CSPP1: variants seen among roughly 807,000 people sequenced by gnomAD.
The protein encoded by CSPP1 is centrosome and spindle pole-associated protein 1.
A neutral mutation model predicts 164.4 loss-of-function variants in CSPP1; 126 were observed. That is an observed-to-expected ratio of 0.77 (90% confidence interval 0.66 to 0.89). The LOEUF (loss-of-function observed/expected upper bound fraction) is 0.89, where lower values mean the gene tolerates loss of function less well. Ranked by LOEUF, CSPP1 falls within the 40% of genes least tolerant of loss-of-function variation. The pLI is 0.00. For missense variants in CSPP1, 1,395 were observed against 1,449.8 expected, an observed-to-expected ratio of 0.96 and a Z score of 0.61; for synonymous variants, 472 against 476.7, an observed-to-expected ratio of 0.99 and a Z score of 0.13.
intron 26 of CSPP1, among the ~76,000 whole-genome samples, chr8:67,176,510 G>A (rs1275018382): frequency 1.3e-5 from 2 of 152,176 alleles, no homozygotes; most frequent in Non-Finnish European, 2.9e-5. Flanking sequence ...GACAGAATAA[G>A]CCTAATTCTA....
At chr8:67,185,655 G>A (rs1336841654) in intron 28 of CSPP1, among the ~76,000 whole-genome samples, 1 of 152,156 alleles carries the variant, frequency 6.6e-6, no homozygotes, top group Admixed American at 6.5e-5. Flanking sequence ...AACTCTTGAA[G>A]TATATCTGGA....
intron 1 of CSPP1, among the ~76,000 whole-genome samples, chr8:67,068,130 T>G (rs1181637035): frequency 6.6e-6 from 1 of 152,226 alleles, no homozygotes; most frequent in African/African-American, 2.4e-5. Flanking sequence ...ATTACAGGCA[T>G]GGGCCACTGC....
At chr8:67,136,181 T>C (rs944052992) in intron 16 of CSPP1, among the ~76,000 whole-genome samples, 1 of 152,108 alleles carries the variant, frequency 6.6e-6, no homozygotes, top group African/African-American at 2.4e-5. Context: ...TACCAAAATG[T>C]GACACAGAGA....
chr8:67,136,568 CAAAAAAAAAAAAAAA>C (rs35184133), intron 16 of CSPP1, among the ~76,000 whole-genome samples: 1 of 27,686 alleles, frequency 3.6e-5, no homozygotes, highest in Non-Finnish European at 9.5e-5. Flanking sequence ...GACTCCGTCT[CAAAAAAAAAAAAAAA>C]AAAAAAAAAA....
intron 7 of CSPP1, among the ~76,000 whole-genome samples, chr8:67,098,835 A>G (rs1586066437): frequency 6.6e-6 from 1 of 152,086 alleles, no homozygotes; most frequent in Non-Finnish European, 1.5e-5. Context: ...GAAACCAGGT[A>G]CAGAGTAGAT....
Position 67,159,961 on chromosome 8 carries a change from CTT to C in CSPP1, c.2538+827_2538+828del, listed in dbSNP as rs1332293384. On this transcript the variant is annotated intron_variant, in intron 21 of 30. Transcript: ENST00000678616. ...TCCTTCCTTCCTTCCTTCCTTCTTT[CTT>C]TTCTTTTCTTTTCTTTTCTTTTCTT... 3.0e-3 allele frequency among the ~76,000 whole-genome samples: 87 copies of C among 29,234 alleles called. 2 individuals are homozygous for C. The highest frequency in any genetic ancestry group is 0.012 in the South Asian group (9 of 724). The allele number at this position is 29,234 out of a possible 152,430, so 19.2% of individuals were successfully genotyped here.
At chr8:67,101,444 A>G (rs1001940107) in intron 7 of CSPP1, among the ~76,000 whole-genome samples, 12 of 152,194 alleles carry the variant, frequency 7.9e-5, no homozygotes, top group African/African-American at 1.7e-4. Context: ...TCTGCATTAT[A>G]TATAAATATC....
intron 5 of CSPP1, 45 bp from the exon 6 acceptor site, chr8:67,093,498 T>C (rs1586010591): frequency 3.2e-6 from 4 of 1,246,110 alleles, no homozygotes; most frequent in East Asian, 2.3e-5. Context: ...GATTTTTTTT[T>C]CCTGAAGTTG....
At chr8:67,160,171 C>T (rs1444843284) in intron 21 of CSPP1, among the ~76,000 whole-genome samples, 3 of 149,204 alleles carry the variant, frequency 2.0e-5, no homozygotes, top group Admixed American at 6.8e-5. Flanking sequence ...TGTGAGCCAC[C>T]ACACCCTGCC....
At chr8:67,104,773 G>T (rs756606872) in intron 8 of CSPP1, among the ~76,000 whole-genome samples, 2 of 151,234 alleles carry the variant, frequency 1.3e-5, no homozygotes, top group Non-Finnish European at 2.9e-5. Flanking sequence ...GAGTAGCTGG[G>T]ATTAGAGGCG....
Position 67,154,057 on chromosome 8 carries a change from G to A in CSPP1, c.2162G>A (p.Arg721Gln), listed in dbSNP as rs201974031. The A allele has an allele frequency of 1.6e-5, 25 of 1,604,752 alleles. No individual in the cohort carries two copies. Among genetic ancestry groups the A allele is most frequent in the South Asian group, 2.2e-5 (2 of 90,536 alleles). The change falls in exon 19 of 31, where the codon CGG becomes CAG. Residue 721 changes from arginine to glutamine, a missense_variant. By Grantham distance (43) the Arg-to-Gln change is conservative. Coordinates refer to ENST00000678616, the MANE Select transcript of CSPP1 (RefSeq NM_001382391.1). ...CAAACACAGAGCTCTCCTTTTGCTC[G>A]GGGAAATGTATTTGGTGAGCCTCCA... ...HMQTQSSPFA[R>Q]GNVFGEPPTE...
intron 22 of CSPP1, 27 bp downstream of exon 22, chr8:67,161,942 A>C: frequency 1.4e-6 from 2 of 1,405,286 alleles, no homozygotes; most frequent in Non-Finnish European, 2.0e-6. Flanking sequence ...TTATTTGTTC[A>C]TCCTAGCTCA....
At chr8:67,096,125 A>C (rs910125346) in intron 7 of CSPP1, among the ~76,000 whole-genome samples, 1 of 152,252 alleles carries the variant, frequency 6.6e-6, no homozygotes, top group Non-Finnish European at 1.5e-5. Context: ...TCAAGTTCAC[A>C]GTCCGAATTC....
In CSPP1 at chr8:67,130,103, A is replaced by AG. The variant is rs143934648; in HGVS notation, c.1698-1848_1698-1847insG. Among the ~76,000 whole-genome samples the AG allele has an allele frequency of 8.2e-3, 1,247 of 152,278 alleles. 11 individuals carry two copies. Among genetic ancestry groups the AG allele is most frequent in the African/African-American group, 0.029 (1,192 of 41,556 alleles). On this transcript the variant is annotated intron_variant, in intron 15 of 30. Coordinates refer to ENST00000678616, the MANE Select transcript of CSPP1 (RefSeq NM_001382391.1). ...TGTATGTGGAGGGCCTACTTTTCTT[A>AG]TGTGGGAGTTCCATGGGGCTCACTT...
At chr8:67,090,051 G>A (rs1811300742) in intron 4 of CSPP1, among the ~76,000 whole-genome samples, 1 of 152,062 alleles carries the variant, frequency 6.6e-6, no homozygotes, top group Non-Finnish European at 1.5e-5. Flanking sequence ...GTGAAGGAGT[G>A]AGGATGTTAA....
intron 17 of CSPP1, among the ~76,000 whole-genome samples, chr8:67,144,384 G>A (rs1181212901): frequency 2.6e-5 from 4 of 152,060 alleles, no homozygotes; most frequent in Non-Finnish European, 4.4e-5. Context: ...TCTTTATAAT[G>A]TTGTCTGGTT....
In CSPP1 at chr8:67,153,980, A is replaced by G. The variant is rs750928819; in HGVS notation, c.2129-44A>G. 3.6e-6 allele frequency: 3 copies of G among 825,740 alleles called. No individual in the cohort carries two copies. The Admixed American group carries it at 6.1e-5, about 17-fold the overall frequency. The allele number at this position is 825,740 out of a possible 1,614,324, so 51.2% of individuals were successfully genotyped here. A position where few individuals can be genotyped will look rare whatever the true frequency, so the allele number is the denominator to read the frequency against. On this transcript the variant is annotated intron_variant, in intron 18 of 30. Coordinates refer to ENST00000678616, the MANE Select transcript of CSPP1 (RefSeq NM_001382391.1). ...TCATTCTTTAACTGTTAAATTTTCT[A>G]AGCATTGGCTAATAGTATGTTTTTG...
chr8:67,091,225 A>G (rs191129732), intron 4 of CSPP1, among the ~76,000 whole-genome samples: 2 of 152,218 alleles, frequency 1.3e-5, no homozygotes, highest in African/African-American at 2.4e-5. Context: ...TGCTTGGGCT[A>G]GTTGTAGATC....
intron 15 of CSPP1, among the ~76,000 whole-genome samples, chr8:67,122,707 C>G (rs1296349212): frequency 6.6e-6 from 1 of 152,024 alleles, no homozygotes; most frequent in Non-Finnish European, 1.5e-5. Context: ...GTGTATTGTC[C>G]TGTTGGTGAG....
Sources: allele counts gnomAD v4.1 joint callset (sites outside exome capture counted in the v4.1 genomes callset), GRCh38; gene constraint gnomAD v4.1.1; transcripts MANE v1.5; gene names NCBI Gene and HGNC (gene_info 2026-07-23, HGNC 2026-07-21).